The following CEP164 variants were observed in gnomAD, a reference collection of about 807,000 sequenced individuals.
CEP164 encodes the protein centrosomal protein of 164 kDa.
In CEP164, 162 loss-of-function variants were observed where a neutral mutation model predicts 182.7. The ratio of observed to expected loss-of-function variants is 0.89; its 90% CI spans 0.78 to 1.01. The LOEUF is 1.01. CEP164 is among the 50% of genes least tolerant of loss of function. CEP164 has a pLI of 0.00. For missense variants in CEP164, 1,735 were observed against 1,790.4 expected, an observed-to-expected ratio of 0.97 and a Z score of 0.56; for synonymous variants, 661 against 690.0, an observed-to-expected ratio of 0.96 and a Z score of 0.66.
In CEP164 at chr11:117,408,921, C is replaced by A. The variant is rs1303011767; in HGVS notation, c.3641C>A (p.Pro1214His). ...GATGAGGGCACTCTGGGAGGATCCCCCACCAAGAAGGCAGTAACCTTCGAC... is the reference window on the plus strand; with the variant it reads ...GATGAGGGCACTCTGGGAGGATCCCACACCAAGAAGGCAGTAACCTTCGAC... Reference protein sequence around the residue: ...ASDEGTLGGSPTKKAVTFDLS... With the variant: ...ASDEGTLGGSHTKKAVTFDLS... The change falls in exon 29 of 33, where the codon CCC becomes CAC. Residue 1214 changes from proline to histidine, a missense_variant. Coordinates refer to ENST00000278935, the MANE Select transcript of CEP164 (RefSeq NM_014956.5). 1 of 1,614,116 alleles carries A rather than the reference C, an allele frequency of 6.2e-7. No individual in the cohort carries two copies. The highest frequency in any genetic ancestry group is 8.5e-7 in the Non-Finnish European group (1 of 1,180,006).
At chr11:117,378,011 C>G (rs2042931556) in intron 11 of CEP164, among the ~76,000 whole-genome samples, 1 of 151,984 alleles carries the variant, frequency 6.6e-6, no homozygotes, top group Non-Finnish European at 1.5e-5. Context: ...CAGGCATCCA[C>G]CACCATGCCC....
chr11:117,345,938 C>T (rs1432400741), intron 4 of CEP164, among the ~76,000 whole-genome samples: 1 of 152,162 alleles, frequency 6.6e-6, no homozygotes, highest in African/African-American at 2.4e-5. Flanking sequence ...CCACCTGCCT[C>T]GGCCTCCCAA....
At position 117,371,349 on chromosome 11, in the gene CEP164, G is replaced by A. The variant is rs1331350171; in HGVS notation, c.1035G>A (p.Lys345=). The change falls in exon 9 of 33, where the codon AAG becomes AAA. Residue 345 remains lysine, a synonymous_variant. Coordinates refer to ENST00000278935, the MANE Select transcript of CEP164 (RefSeq NM_014956.5). Reference sequence around the variant, plus strand: ...GTGAGCCTGCCAAAGCCTCTGAAAAGGAAGCACCAGAGGACACAGTAGATG... The same window carrying A: ...GTGAGCCTGCCAAAGCCTCTGAAAAAGAAGCACCAGAGGACACAGTAGATG... The part of the protein sequence containing the change: ...TGSEPAKASE[K]EAPEDTVDAG... 7 of 1,614,106 alleles carry A rather than the reference G, an allele frequency of 4.3e-6. No homozygotes were observed. Among genetic ancestry groups the A allele is most frequent in the Non-Finnish European group, 5.1e-6 (6 of 1,180,042 alleles).
At chr11:117,324,105 A>T, upstream of CEP164, 1 of 195,554 alleles carries the variant, frequency 5.1e-6, no homozygotes, top group South Asian at 6.9e-5. Context: ...CCTATGAGTG[A>T]AGTCCTCTCT....
intron 27 of CEP164, among the ~76,000 whole-genome samples, chr11:117,399,893 G>T (rs1175297461): frequency 6.6e-6 from 1 of 152,124 alleles, no homozygotes; most frequent in Non-Finnish European, 1.5e-5. Flanking sequence ...TTAGCCCTTT[G>T]TCAGATGGGT....
chr11:117,332,000 A>ATATATG (rs2036293189), intron 1 of CEP164, among the ~76,000 whole-genome samples: 1 of 149,852 alleles, frequency 6.7e-6, no homozygotes, highest in African/African-American at 2.5e-5. Flanking sequence ...ATATATATAT[A>ATATATG]TATTTGTGGA....
At chr11:117,363,398 A>T in intron 7 of CEP164, 31 bp from the exon 8 acceptor site, 1 of 1,549,740 alleles carries the variant, frequency 6.5e-7, no homozygotes, top group Non-Finnish European at 8.9e-7. Context: ...GTTTCTTCAG[A>T]GTTACCACTT....
chr11:117,333,758 A>G (rs2036587517), intron 1 of CEP164, among the ~76,000 whole-genome samples: 1 of 149,418 alleles, frequency 6.7e-6, no homozygotes, highest in Admixed American at 6.6e-5. Flanking sequence ...GTGGTCTTGA[A>G]CTCCTGGGCT....
chr11:117,351,805 T>C lies in CEP164; in HGVS notation c.210T>C (p.Gly70=). ...GEWKPCQDIT[G]DIYYFNFANG... ...CCATCCCCAGCCAGGACATCACAGG[T>C]GACATTTACTATTTCAACTTCGCCA... The change falls in exon 5 of 33, where the codon GGT becomes GGC. Residue 70 remains glycine (G), a synonymous_variant. Coordinates refer to ENST00000278935, the MANE Select transcript of CEP164 (RefSeq NM_014956.5). 1 of 1,612,746 alleles carries C rather than the reference T, an allele frequency of 6.2e-7. No individual in the cohort carries two copies. Among genetic ancestry groups the C allele is most frequent in the South Asian group, 1.1e-5 (1 of 90,962 alleles).
chr11:117,369,643 G>A (rs180909963), intron 8 of CEP164, among the ~76,000 whole-genome samples: 16 of 152,234 alleles, frequency 1.1e-4, no homozygotes, highest in African/African-American at 3.8e-4. Context: ...TCAGAACAGG[G>A]AATCAGGAAG....
At chr11:117,352,144 T>C (rs2039718515) in intron 5 of CEP164, among the ~76,000 whole-genome samples, 156 bp downstream of exon 5, 1 of 152,006 alleles carries the variant, frequency 6.6e-6, no homozygotes, top group Admixed American at 6.6e-5. Context: ...TGTCTTCTGG[T>C]TGATTTTTCT....
chr11:117,333,625 C>G (rs778488335), intron 1 of CEP164, among the ~76,000 whole-genome samples: 1 of 152,116 alleles, frequency 6.6e-6, no homozygotes, highest in Non-Finnish European at 1.5e-5. Flanking sequence ...ACCACCTGGG[C>G]TCAAGTGATC....
chr11:117,387,150 G>C (rs1221902365), intron 14 of CEP164, 53 bp from the exon 15 acceptor site: 1 of 1,470,170 alleles, frequency 6.8e-7, no homozygotes, highest in African/African-American at 1.4e-5. Flanking sequence ...CCTGGATGCA[G>C]AGGTGGGTGG....
chr11:117,349,460 C>T lies in CEP164; in HGVS notation c.195-2330C>T, dbSNP rs536455686. Among the ~76,000 whole-genome samples the T allele has an allele frequency of 1.6e-4, 24 of 152,246 alleles. No individual in the cohort carries two copies. In the South Asian group the frequency reaches 4.8e-3, roughly 30 times the overall value. On this transcript the variant is annotated intron_variant, in intron 4 of 32. Transcript: ENST00000278935. ...ATGCCCAGAAATGGAATTGCTGGGT[C>T]ACATGGTAATTCTATTTTAAATTAA...
intron 9 of CEP164, among the ~76,000 whole-genome samples, chr11:117,372,384 TATCGGCGTGAACCACTGC>T: frequency 6.6e-6 from 1 of 151,986 alleles, no homozygotes; most frequent in Non-Finnish European, 1.5e-5. Context: ...GTGCTGGGAT[TATCGGCGTGAACCACTGC>T]ATCTGGCTCC....
chr11:117,397,220 G>A lies in CEP164; in HGVS notation c.3408G>A (p.Gln1136=), dbSNP rs1782428717. 6.2e-7 allele frequency: 1 copy of A among 1,614,258 alleles called. No individual in the cohort carries two copies. The highest frequency in any genetic ancestry group is 8.5e-7 in the Non-Finnish European group (1 of 1,180,052). The change falls in exon 27 of 33, where the codon CAG becomes CAA. Residue 1136 remains glutamine, a synonymous_variant. Transcript: ENST00000278935. ...RRQTALKAAQ[Q]HWRHELASAQ... is the part of the protein sequence containing the mutation. Reference sequence around the variant, plus strand: ...AGACAGCTCTGAAAGCTGCCCAGCAGCATTGGCGCCATGAGCTGGCCAGTG... The same window carrying A: ...AGACAGCTCTGAAAGCTGCCCAGCAACATTGGCGCCATGAGCTGGCCAGTG...
intron 2 of CEP164, chr11:117,336,202 C>G: frequency 6.3e-7 from 1 of 1,590,072 alleles, no homozygotes; most frequent in Non-Finnish European, 8.6e-7. Flanking sequence ...GGCCTGTATT[C>G]AGTCAGAATC....
At chr11:117,338,884 C>G (rs1327126135) in intron 3 of CEP164, among the ~76,000 whole-genome samples, 2 of 152,014 alleles carry the variant, frequency 1.3e-5, no homozygotes, top group Non-Finnish European at 2.9e-5. Context: ...GTGGCGTGAT[C>G]TCAGCTCACT....
intron 11 of CEP164, among the ~76,000 whole-genome samples, chr11:117,377,014 C>A (rs998996585): frequency 2.0e-5 from 3 of 152,156 alleles, no homozygotes; most frequent in Non-Finnish European, 4.4e-5. Context: ...ATGTGGCCAG[C>A]AGCCTCTTTT....
Sources: gnomAD v4.1 joint callset for allele counts (sites outside exome capture counted in the v4.1 genomes callset) on GRCh38, gnomAD v4.1.1 for gene constraint, MANE v1.5 for transcripts, NCBI Gene and HGNC (gene_info 2026-07-23, HGNC 2026-07-21) for gene names.